Variants in DYM observed in about 807,000 individuals in gnomAD.
DYM encodes the protein dymeclin, also known as dyggve-Melchior-Clausen syndrome protein.
DYM carries 78 observed loss-of-function variants against 93.1 expected under a neutral mutation model. The observed-to-expected ratio is 0.84, with a 90% CI of 0.70 to 1.01. The LOEUF (loss-of-function observed/expected upper bound fraction) is 1.01, where lower values mean the gene tolerates loss of function less well. Among genes scored for constraint, DYM ranks in the 50% least tolerant of loss-of-function variants. DYM has a pLI of 0.00. For synonymous variants in DYM, 321 were observed against 319.7 expected, an observed-to-expected ratio of 1.00 and a Z score of -0.04; for missense variants, 789 against 845.0, an observed-to-expected ratio of 0.93 and a Z score of 0.82.
At chr18:49,439,370 T>C (rs1477050086) in intron 1 of DYM, among the ~76,000 whole-genome samples, 1 of 152,166 alleles carries the variant, frequency 6.6e-6, no homozygotes, top group East Asian at 1.9e-4. Flanking sequence ...GATTCTATCA[T>C]TCCTCCCTGT....
At chr18:49,274,566 T>G (rs779600236) in intron 10 of DYM, among the ~76,000 whole-genome samples, 1 of 152,192 alleles carries the variant, frequency 6.6e-6, no homozygotes, top group Non-Finnish European at 1.5e-5. Context: ...ACTACCAGAC[T>G]GTTTCAAAGC....
intron 8 of DYM, among the ~76,000 whole-genome samples, chr18:49,326,588 T>C (rs894615295): frequency 5.9e-5 from 9 of 152,178 alleles, no homozygotes; most frequent in African/African-American, 2.2e-4. Context: ...TACATTCTGA[T>C]TGAATGCCAA....
intron 2 of DYM, among the ~76,000 whole-genome samples, chr18:49,420,422 G>A (rs1366234860): frequency 6.6e-6 from 1 of 152,046 alleles, no homozygotes; most frequent in Non-Finnish European, 1.5e-5. Flanking sequence ...ACCTGCCTCG[G>A]TCTCCCAAGG....
At chr18:49,388,248 T>G (rs1451133450) in intron 3 of DYM, among the ~76,000 whole-genome samples, 3 of 152,124 alleles carry the variant, frequency 2.0e-5, no homozygotes, top group Non-Finnish European at 4.4e-5. Flanking sequence ...TAGGACCTCT[T>G]GAGCCCAGGA....
At chr18:49,380,523 G>T (rs112640395) in intron 3 of DYM, among the ~76,000 whole-genome samples, 1 of 152,182 alleles carries the variant, frequency 6.6e-6, no homozygotes, top group African/African-American at 2.4e-5. Context: ...AGTATCACTT[G>T]CATTTCACCG....
At chr18:49,062,967 T>C (rs2144681687) in intron 17 of DYM, among the ~76,000 whole-genome samples, 1 of 152,282 alleles carries the variant, frequency 6.6e-6, no homozygotes, top group East Asian at 1.9e-4. Flanking sequence ...GGCAACCAAC[T>C]CCCTGTGCAG....
At chr18:49,275,623 T>A (rs2094830310) in intron 10 of DYM, among the ~76,000 whole-genome samples, 1 of 152,120 alleles carries the variant, frequency 6.6e-6, no homozygotes, top group African/African-American at 2.4e-5. Context: ...ATGCCTGTAA[T>A]CCCAGCACTT....
intron 13 of DYM, among the ~76,000 whole-genome samples, chr18:49,221,283 T>C (rs1320445193): frequency 3.3e-5 from 5 of 152,040 alleles, no homozygotes; most frequent in East Asian, 1.9e-4. Context: ...TGTGGAGAAA[T>C]AGGAACACTT....
chr18:49,183,794 C>A (rs1364105341), intron 14 of DYM, among the ~76,000 whole-genome samples: 1 of 152,030 alleles, frequency 6.6e-6, no homozygotes, highest in Non-Finnish European at 1.5e-5. Flanking sequence ...CCTCTAGTAT[C>A]GCTGTATTTG....
At chr18:49,381,614 T>C (rs1288499331) in intron 3 of DYM, among the ~76,000 whole-genome samples, 1 of 152,228 alleles carries the variant, frequency 6.6e-6, no homozygotes, top group Non-Finnish European at 1.5e-5. Context: ...GTCATTCTTA[T>C]TTAAATGCAA....
At chr18:49,440,937 TATATA>T (rs1249989224) in intron 1 of DYM, among the ~76,000 whole-genome samples, 1 of 708 alleles carries the variant, frequency 1.4e-3, no homozygotes, top group Non-Finnish European at 3.7e-3. Flanking sequence ...TATTATATAA[TATATA>T]ATATATTATA....
rs867584454 is a variant in DYM, at chr18:49,265,597, G to A, written c.1251+6581C>T. On this transcript the variant is annotated intron_variant, in intron 11 of 17. Coordinates refer to ENST00000675505, the MANE Select transcript of DYM (RefSeq NM_001353214.3). ...AGTTCGAGACTAGCCTGACCAACAT[G>A]GAGAAACCCTGTCTCTACTTAAAAT... Among the ~76,000 whole-genome samples, 12 of 152,040 alleles carry A rather than the reference G, an allele frequency of 7.9e-5. No homozygotes were observed. The South Asian group carries it at 2.5e-3, about 32-fold the overall frequency.
intron 13 of DYM, among the ~76,000 whole-genome samples, chr18:49,212,793 G>A (rs576661678): frequency 1.2e-3 from 175 of 151,970 alleles, no homozygotes; most frequent in African/African-American, 3.8e-3. Flanking sequence ...CACCATGTCC[G>A]GCCTAATTTA....
chr18:49,391,746 A>G (rs2069281396), intron 2 of DYM, 101 bp from the exon 3 acceptor site: 2 of 1,079,660 alleles, frequency 1.9e-6, no homozygotes, highest in African/African-American at 3.2e-5. Flanking sequence ...AATAATTTAG[A>G]AGAAAAATAT....
intron 17 of DYM, chr18:49,048,194 C>T (rs1249020912): frequency 1.3e-5 from 2 of 152,108 alleles, no homozygotes; most frequent in African/African-American, 2.4e-5. Context: ...AAAAAAAGAA[C>T]CACATGAGGG....
rs1599465622 is a variant in DYM, at chr18:49,064,896, T to C, written c.2026-20692A>G. On this transcript the variant is annotated intron_variant, in intron 17 of 17. Coordinates refer to ENST00000675505, the MANE Select transcript of DYM (RefSeq NM_001353214.3). ...TCATAATGTATCTAGTATGAATTTA[T>C]AGTCACTTCATGACTAAACATTGTC... is the stretch of plus-strand genomic sequence containing the variant. 2.0e-5 allele frequency among the ~76,000 whole-genome samples: 3 copies of C among 150,942 alleles called. No homozygotes were observed. In the East Asian group the frequency reaches 5.8e-4, roughly 29 times the overall value.
At chr18:49,291,975 A>G (rs1402860799) in intron 8 of DYM, among the ~76,000 whole-genome samples, 1 of 152,148 alleles carries the variant, frequency 6.6e-6, no homozygotes, top group East Asian at 1.9e-4. Flanking sequence ...TCCAATATCC[A>G]TCACTGTGTG....
At chr18:49,130,042 CCAATAT>C (rs2096631336) in intron 15 of DYM, among the ~76,000 whole-genome samples, 1 of 152,100 alleles carries the variant, frequency 6.6e-6, no homozygotes, top group African/African-American at 2.4e-5. Context: ...TATACGCATA[CCAATAT>C]CAAGCACAGG....
chr18:49,098,682 A>G (rs1013140830), intron 16 of DYM, among the ~76,000 whole-genome samples: 2 of 152,192 alleles, frequency 1.3e-5, no homozygotes, highest in African/African-American at 4.8e-5. Flanking sequence ...TATTTTGTCC[A>G]CAAGTGGGCT....
Sources: allele counts gnomAD v4.1 joint callset (sites outside exome capture counted in the v4.1 genomes callset), GRCh38; gene constraint gnomAD v4.1.1; transcripts MANE v1.5; gene names NCBI Gene and HGNC (gene_info 2026-07-23, HGNC 2026-07-21).